SLIT2: variants seen among roughly 807,000 people sequenced by gnomAD.
SLIT2 encodes slit homolog 2 protein.
SLIT2 carries 41 observed loss-of-function variants against 185.7 expected under a neutral mutation model. The observed-to-expected ratio is 0.22, with a 90% confidence interval of 0.17 to 0.29. SLIT2 has a LOEUF of 0.29. Ranked by LOEUF, SLIT2 falls within the 10% of genes least tolerant of loss-of-function variation. The probability of loss-of-function intolerance (pLI) is 1.00; values close to 1 mark genes in which losing one functional copy is unlikely to be tolerated. For missense variants in SLIT2, 1,571 were observed against 1,909.0 expected (o/e 0.82, Z 3.30); for synonymous variants, 693 against 680.2 (o/e 1.02, Z -0.29).
Position 20,484,529 on chromosome 4 carries a change from G to A in SLIT2, c.540-1671G>A, listed in dbSNP as rs1429264981. On this transcript the variant is annotated intron_variant, in intron 6 of 36. Transcript: ENST00000504154. The surrounding 1 kb of genome is among the most constrained non-coding windows in gnomAD (Gnocchi z 4.3). ...ATTGCAAAACAAGGTGGTAAAGAGG[G>A]TCCATGCATGATCTGGGTCTCTAGC... Among the ~76,000 whole-genome samples the A allele has an allele frequency of 2.6e-5, 4 of 152,138 alleles. No individual in the cohort carries two copies. Among genetic ancestry groups the A allele is most frequent in the Non-Finnish European group, 4.4e-5 (3 of 67,980 alleles).
At chr4:20,560,622 A>G (rs1388751122) in intron 26 of SLIT2, among the ~76,000 whole-genome samples, 3 of 151,980 alleles carry the variant, frequency 2.0e-5, no homozygotes. Context: ...GGAAAGTGGA[A>G]CATTGTTAAT....
chr4:20,259,076 A>T (rs1396214292), intron 3 of SLIT2, among the ~76,000 whole-genome samples: 1 of 151,726 alleles, frequency 6.6e-6, no homozygotes, highest in African/African-American at 2.4e-5. Context: ...GTCTTTCTCT[A>T]TGTTAAATAT....
chr4:20,613,462 A>C (rs909912686), intron 34 of SLIT2, among the ~76,000 whole-genome samples: 2 of 152,180 alleles, frequency 1.3e-5, no homozygotes, highest in African/African-American at 4.8e-5. Context: ...TGATGAGAAC[A>C]CATGGACACA....
At chr4:20,388,225 A>G (rs1725089244) in intron 4 of SLIT2, among the ~76,000 whole-genome samples, 1 of 152,164 alleles carries the variant, frequency 6.6e-6, no homozygotes, top group African/African-American at 2.4e-5. Context: ...ATTAAAATTT[A>G]AATCTTCTAG....
intron 29 of SLIT2, chr4:20,573,348 T>G: frequency 1.4e-6 from 1 of 696,506 alleles, no homozygotes; most frequent in Non-Finnish European, 2.6e-6. Context: ...GGGTACACAG[T>G]AAAAAGGAAT....
chr4:20,316,424 A>T (rs1056844525), intron 4 of SLIT2, among the ~76,000 whole-genome samples: 8 of 152,006 alleles, frequency 5.3e-5, no homozygotes, highest in Admixed American at 1.3e-4. Flanking sequence ...AAGACATAGG[A>T]GACAATTTAG....
At chr4:20,472,532 A>C (rs575547511) in intron 5 of SLIT2, among the ~76,000 whole-genome samples, 2 of 20,160 alleles carry the variant, frequency 9.9e-5, no homozygotes, top group Non-Finnish European at 1.6e-4. Flanking sequence ...ATCTATATAT[A>C]GATATATCTA....
chr4:20,523,436 T>C (rs187767844), intron 12 of SLIT2, among the ~76,000 whole-genome samples: 226 of 152,344 alleles, frequency 1.5e-3, no homozygotes, highest in African/African-American at 5.3e-3. Flanking sequence ...AGCATTTTTA[T>C]GGTGTCCTTG....
intron 4 of SLIT2, among the ~76,000 whole-genome samples, chr4:20,419,888 C>T (rs970990738): frequency 6.6e-5 from 10 of 152,024 alleles, no homozygotes; most frequent in Admixed American, 3.3e-4. Flanking sequence ...CAGAGATTTC[C>T]TTGCGCCTAT....
chr4:20,582,473 G>A (rs915652056), intron 29 of SLIT2, among the ~76,000 whole-genome samples: 1 of 152,148 alleles, frequency 6.6e-6, no homozygotes, highest in Non-Finnish European at 1.5e-5. Flanking sequence ...ACCACAAATA[G>A]TACTGAAGCC....
chr4:20,469,997 C>A (rs983670449), intron 5 of SLIT2, among the ~76,000 whole-genome samples: 1 of 151,964 alleles, frequency 6.6e-6, no homozygotes, highest in Non-Finnish European at 1.5e-5. Context: ...TCAGGTGATC[C>A]ACCCTCCTCA....
At chr4:20,294,591 T>C (rs1248518217) in intron 4 of SLIT2, among the ~76,000 whole-genome samples, 2 of 152,196 alleles carry the variant, frequency 1.3e-5, no homozygotes, top group South Asian at 4.1e-4. Flanking sequence ...GTTTTGGCTC[T>C]AAGAGGAAGG....
At chr4:20,600,411 G>A (rs1265721115) in intron 33 of SLIT2, among the ~76,000 whole-genome samples, 1 of 130,990 alleles carries the variant, frequency 7.6e-6, no homozygotes, top group Admixed American at 7.7e-5. Context: ...CTATTATGTT[G>A]CATTTTTTTT....
In SLIT2 at chr4:20,542,486, C is replaced by G; in HGVS notation, c.2144-8C>G. 6.2e-7 allele frequency: 1 copy of G among 1,612,432 alleles called. No individual in the cohort carries two copies. Among genetic ancestry groups the G allele is most frequent in the East Asian group, 2.2e-5 (1 of 44,844 alleles). ...TCTTGGTTTTCCTGTATTTCCTCTG[C>G]GATTTAGGAAATGATGACAATAGTT... On this transcript the variant is annotated splice_polypyrimidine_tract_variant and splice_region_variant and intron_variant, in intron 20 of 36. Coordinates refer to ENST00000504154, the MANE Select transcript of SLIT2 (RefSeq NM_004787.4).
chr4:20,503,360 T>C (rs564752401), intron 9 of SLIT2, among the ~76,000 whole-genome samples: 1 of 152,294 alleles, frequency 6.6e-6, no homozygotes, highest in East Asian at 1.9e-4. Flanking sequence ...TTTTTAAAAC[T>C]AAAATAATTA....
At chr4:20,279,980 A>G (rs540437580) in intron 4 of SLIT2, among the ~76,000 whole-genome samples, 2 of 152,228 alleles carry the variant, frequency 1.3e-5, no homozygotes, top group South Asian at 4.1e-4. Flanking sequence ...GACACTACCA[A>G]TAGATTGAAT....
At chr4:20,284,005 C>T (rs191428204) in intron 4 of SLIT2, among the ~76,000 whole-genome samples, 20 of 152,184 alleles carry the variant, frequency 1.3e-4, no homozygotes, top group African/African-American at 2.4e-4. Flanking sequence ...AATGTGGAAG[C>T]GTTGTGAACA....
intron 7 of SLIT2, among the ~76,000 whole-genome samples, chr4:20,487,193 CATA>C (rs1717324997): frequency 1.3e-5 from 2 of 151,954 alleles, no homozygotes; most frequent in South Asian, 4.1e-4. Context: ...CAACTCTGTA[CATA>C]ATAACACATC....
intron 29 of SLIT2, among the ~76,000 whole-genome samples, chr4:20,570,749 A>ATG (rs1308804767): frequency 6.9e-6 from 1 of 145,046 alleles, no homozygotes; most frequent in Non-Finnish European, 1.5e-5. Flanking sequence ...ATATATATAT[A>ATG]TATATATATA....
Sources: gnomAD v4.1 joint callset for allele counts (sites outside exome capture counted in the v4.1 genomes callset) on GRCh38, gnomAD v4.1.1 for gene constraint, Gnocchi (gnomAD v3.1) non-coding constraint, MANE v1.5 for transcripts, NCBI Gene and HGNC (gene_info 2026-07-23, HGNC 2026-07-21) for gene names.